The following PIK3C2G variants were observed in gnomAD, a reference collection of about 807,000 sequenced individuals.
PIK3C2G encodes phosphatidylinositol-4-phosphate 3-kinase catalytic subunit type 2 gamma, also known as phosphatidylinositol 3-kinase C2 domain-containing subunit gamma.
Under a neutral mutation model 181.1 loss-of-function variants are expected in PIK3C2G, and 168 were observed. The ratio of observed to expected loss-of-function variants is 0.93; its 90% CI spans 0.82 to 1.05. PIK3C2G has a LOEUF of 1.05. PIK3C2G is among the 50% of genes least tolerant of loss of function. The probability of loss-of-function intolerance (pLI) is 0.00; values close to 1 mark genes in which losing one functional copy is unlikely to be tolerated. For synonymous variants in PIK3C2G, 573 were observed against 592.2 expected (o/e 0.97, Z 0.47); for missense variants, 1,869 against 1,732.8 (o/e 1.08, Z -1.40).
intron 31 of PIK3C2G, among the ~76,000 whole-genome samples, chr12:18,625,271 A>G (rs1342890270): frequency 1.3e-5 from 2 of 151,256 alleles, no homozygotes; most frequent in East Asian, 3.9e-4. Context: ...TAATTTCTTC[A>G]TTGACCTATT....
chr12:18,395,076 TTTCA>T (rs142099609), intron 15 of PIK3C2G, among the ~76,000 whole-genome samples: 21 of 148,630 alleles, frequency 1.4e-4, no homozygotes, highest in East Asian at 8.6e-4. Flanking sequence ...TCCCTGCCTC[TTTCA>T]TTCCTTCTTT....
intron 18 of PIK3C2G, among the ~76,000 whole-genome samples, chr12:18,451,997 A>G (rs923668861): frequency 3.9e-5 from 6 of 152,154 alleles, no homozygotes; most frequent in Non-Finnish European, 8.8e-5. Flanking sequence ...GGATTTTCAC[A>G]TTGACGTTCA....
chr12:18,280,484 T>C lies in PIK3C2G; in HGVS notation c.-78-1520T>C, dbSNP rs556673053. Among the ~76,000 whole-genome samples, 10 of 152,112 alleles carry C rather than the reference T, an allele frequency of 6.6e-5. No individual in the cohort carries two copies. The South Asian group carries it at 2.1e-3, about 32-fold the overall frequency. ...CAAGAAGTAGGATGAGTGTCCAGGA[T>C]AACACCCTGGGAAAATGTCAGTTAT... On this transcript the variant is annotated intron_variant, in intron 1 of 32. Transcript: ENST00000538779.
chr12:18,400,936 C>T (rs1457906186), intron 16 of PIK3C2G, among the ~76,000 whole-genome samples: 2 of 151,860 alleles, frequency 1.3e-5, no homozygotes, highest in African/African-American at 4.8e-5. Context: ...CTTTTGTAAG[C>T]CTTCTTGTGT....
In PIK3C2G at chr12:18,487,645, C is replaced by G. The variant is rs138842532; in HGVS notation, c.2505-804C>G. Among the ~76,000 whole-genome samples, 30 of 152,138 alleles carry G rather than the reference C, an allele frequency of 2.0e-4. No homozygotes were observed. The East Asian group carries it at 5.8e-3, about 29-fold the overall frequency. On this transcript the variant is annotated intron_variant, in intron 18 of 32. Transcript: ENST00000538779. ...CAAACATTTGTTGTTGCTCCATTAT[C>G]TTGCAATGTTTTCTCACTTCGTCGT... is the stretch of plus-strand genomic sequence containing the variant.
chr12:18,323,320 C>T (rs1200873175), intron 7 of PIK3C2G, among the ~76,000 whole-genome samples: 1 of 152,164 alleles, frequency 6.6e-6, no homozygotes, highest in Non-Finnish European at 1.5e-5. Flanking sequence ...CAGTGGATTA[C>T]AGTCTGGGGT....
intron 18 of PIK3C2G, among the ~76,000 whole-genome samples, chr12:18,445,988 C>CA (rs1209422483): frequency 6.6e-6 from 1 of 152,186 alleles, no homozygotes; most frequent in Non-Finnish European, 1.5e-5. Context: ...ATTGTAGTCT[C>CA]ATTTGCATCT....
intron 9 of PIK3C2G, among the ~76,000 whole-genome samples, chr12:18,340,036 G>A (rs1275970620): frequency 6.6e-6 from 1 of 152,066 alleles, no homozygotes; most frequent in Non-Finnish European, 1.5e-5. Flanking sequence ...GAAGGAAATG[G>A]AATAACTATG....
In PIK3C2G at chr12:18,614,225, C is replaced by G. The variant is rs189207288; in HGVS notation, c.4182+4596C>G. On this transcript the variant is annotated intron_variant, in intron 31 of 32. Transcript: ENST00000538779. ...AGAGTTGGCCCATTTTGACATTGAT[C>G]TACCATTTCAAAGAATAAGATACAA... 2.9e-3 allele frequency among the ~76,000 whole-genome samples: 434 copies of G among 152,118 alleles called. 4 individuals carry two copies. Among genetic ancestry groups the G allele is most frequent in the Non-Finnish European group, 1.5e-3 (100 of 67,990 alleles).
intron 24 of PIK3C2G, among the ~76,000 whole-genome samples, chr12:18,523,434 G>A (rs1002664570): frequency 3.3e-5 from 5 of 152,186 alleles, no homozygotes; most frequent in African/African-American, 9.7e-5. Context: ...GGTTGGGCCA[G>A]CTGGTAGCAA....
At chr12:18,422,726 C>A (rs1945560456) in intron 17 of PIK3C2G, among the ~76,000 whole-genome samples, 1 of 151,944 alleles carries the variant, frequency 6.6e-6, no homozygotes, top group South Asian at 2.1e-4. Flanking sequence ...ATACTGGGTT[C>A]AAGAAGAAAT....
intron 14 of PIK3C2G, among the ~76,000 whole-genome samples, chr12:18,386,784 T>A (rs7299480): frequency 0.14 from 21,910 of 152,164 alleles, 2,034 homozygotes; most frequent in Admixed American, 0.27. Flanking sequence ...TGAACATGTA[T>A]GGACATGTTT....
At chr12:18,266,607 G>A (rs1047257431) in intron 1 of PIK3C2G, among the ~76,000 whole-genome samples, 1 of 152,042 alleles carries the variant, frequency 6.6e-6, no homozygotes, top group Non-Finnish European at 1.5e-5. Context: ...AGTGCACAAA[G>A]GTTTGTGAGC....
At chr12:18,650,531 A>G (rs1301785621), downstream of PIK3C2G, among the ~76,000 whole-genome samples, 1 of 150,110 alleles carries the variant, frequency 6.7e-6, no homozygotes, top group Non-Finnish European at 1.5e-5. Context: ...TTGTATGCTC[A>G]TTTACATTAC....
At chr12:18,551,929 T>C (rs150905001) in intron 26 of PIK3C2G, among the ~76,000 whole-genome samples, 62 of 152,272 alleles carry the variant, frequency 4.1e-4, no homozygotes, top group African/African-American at 1.3e-3. Context: ...TTTGTCCTTA[T>C]TGGACAAGTT....
chr12:18,640,511 CA>C lies in PIK3C2G; in HGVS notation c.4269del (p.Lys1423AsnfsTer15). 6.2e-7 allele frequency: 1 copy of C among 1,605,026 alleles called. No individual in the cohort carries two copies. Among genetic ancestry groups the C allele is most frequent in the Non-Finnish European group, 8.5e-7 (1 of 1,174,710 alleles). On this transcript the variant is annotated frameshift_variant, in exon 32 of 33. Transcript: ENST00000538779. LOFTEE classifies it high-confidence loss of function. The part of the protein sequence containing the change: ...PYPSEVRRRK[T>X]KSVPKCTDPT... Reference sequence around the variant, plus strand: ...CCCAGTGAAGTTCGTAGGAGGAAAACAAAATCTGTTCCAAAATGTACGGACC... The same window carrying C: ...CCCAGTGAAGTTCGTAGGAGGAAAACAAATCTGTTCCAAAATGTACGGACC...
At chr12:18,711,733 A>C in the PIK3C2G span, among the ~76,000 whole-genome samples, 2 of 151,916 alleles carry the variant, frequency 1.3e-5, no homozygotes, top group African/African-American at 4.8e-5. Context: ...GCTCAATTTT[A>C]AACATGTTAA....
At chr12:18,287,613 T>C (rs1317307578) in intron 3 of PIK3C2G, among the ~76,000 whole-genome samples, 1 of 152,016 alleles carries the variant, frequency 6.6e-6, no homozygotes, top group Admixed American at 6.6e-5. Flanking sequence ...CCCAGCACTT[T>C]GGGAGGCCAA....
intron 20 of PIK3C2G, among the ~76,000 whole-genome samples, chr12:18,494,009 G>A (rs1440488573): frequency 6.6e-6 from 1 of 152,130 alleles, no homozygotes; most frequent in Non-Finnish European, 1.5e-5. Context: ...CAAGCACCAG[G>A]TATTTCATTT....
Sources: gnomAD v4.1 joint callset for allele counts (sites outside exome capture counted in the v4.1 genomes callset) on GRCh38, gnomAD v4.1.1 for gene constraint, MANE v1.5 for transcripts, NCBI Gene and HGNC (gene_info 2026-07-23, HGNC 2026-07-21) for gene names.